The following ZEB1 variants were observed in gnomAD, a reference collection of about 807,000 sequenced individuals.
The protein encoded by ZEB1 is zinc finger E-box binding homeobox 1.
ZEB1 carries 21 observed loss-of-function variants against 84.9 expected under a neutral mutation model. The ratio of observed to expected loss-of-function variants is 0.25; its 90% CI spans 0.18 to 0.36. The LOEUF (loss-of-function observed/expected upper bound fraction) is 0.36. ZEB1 is among the 10% of genes least tolerant of loss of function. The probability of loss-of-function intolerance (pLI) is 1.00; values close to 1 mark genes in which losing one functional copy is unlikely to be tolerated. For missense variants in ZEB1, 1,104 were observed against 1,330.2 expected (o/e 0.83, Z 2.65); for synonymous variants, 420 against 471.1 (o/e 0.89, Z 1.41).
intron 1 of ZEB1, among the ~76,000 whole-genome samples, chr10:31,441,003 T>A (rs563176898): frequency 1.1e-4 from 17 of 152,248 alleles, no homozygotes; most frequent in African/African-American, 3.1e-4. Context: ...ATAGATTCAA[T>A]GCCATCCCCA....
chr10:31,374,683 A>G (rs2046293506), intron 1 of ZEB1: 1 of 151,854 alleles, frequency 6.6e-6, no homozygotes, highest in African/African-American at 2.4e-5. Context: ...GATTGAATTG[A>G]TAACTTGCTT....
chr10:31,365,326 T>C (rs574307760), intron 1 of ZEB1, among the ~76,000 whole-genome samples: 8 of 152,312 alleles, frequency 5.3e-5, no homozygotes, highest in South Asian at 2.1e-4. Context: ...GGTTTTCTTA[T>C]GCCCAAGAGA....
chr10:31,509,504 G>T (rs1361921329), intron 4 of ZEB1, among the ~76,000 whole-genome samples: 1 of 151,990 alleles, frequency 6.6e-6, no homozygotes, highest in Non-Finnish European at 1.5e-5. Flanking sequence ...CATTATTTTG[G>T]TTTTTCCTTG....
intron 1 of ZEB1, chr10:31,363,598 A>G (rs2043807705): frequency 6.6e-7 from 1 of 1,518,912 alleles, no homozygotes; most frequent in South Asian, 1.2e-5. Context: ...TTCTGCGCTC[A>G]CCTCCGTCTT....
intron 6 of ZEB1, among the ~76,000 whole-genome samples, chr10:31,516,329 T>TG (rs1416930190): frequency 6.6e-6 from 1 of 151,922 alleles, no homozygotes; most frequent in Non-Finnish European, 1.5e-5. Context: ...AAACATCTAA[T>TG]GTGAGGCTTG....
Position 31,421,912 on chromosome 10 carries a change from A to C in ZEB1, c.59-39125A>C, listed in dbSNP as rs116112509. On this transcript the variant is annotated intron_variant, in intron 1 of 8. Transcript: ENST00000424869. ...TTTTGAGTAAATCAATCACTGCACC[A>C]ACTCAAATCACAGTATTCCCCCCCT... Among the ~76,000 whole-genome samples, 1,068 of 152,194 alleles carry C rather than the reference A, an allele frequency of 7.0e-3. 12 individuals are homozygous for C. Among genetic ancestry groups the C allele is most frequent in the African/African-American group, 0.024 (978 of 41,528 alleles).
At position 31,526,611 on chromosome 10, in the gene ZEB1, C is replaced by T. The variant is rs1426098813; in HGVS notation, c.2786-61C>T. 18 of 1,591,848 alleles carry T rather than the reference C, an allele frequency of 1.1e-5. 1 individual carries two copies. The highest frequency in any genetic ancestry group is 6.8e-5 in the South Asian group (6 of 88,866). The stretch of plus-strand genomic sequence containing the variant: ...CTACAACATGAAGTACCCCAAAAAC[C>T]GTATAAGGATTTTATTTGCTGAATA... On this transcript the variant is annotated intron_variant, in intron 8 of 8. Transcript: ENST00000424869.
intron 1 of ZEB1, among the ~76,000 whole-genome samples, chr10:31,450,875 T>C (rs1213686228): frequency 6.7e-6 from 1 of 150,374 alleles, no homozygotes; most frequent in Non-Finnish European, 1.5e-5. Flanking sequence ...GGACTGAGCG[T>C]GTGTGTGTGT....
At chr10:31,452,759 G>GAGAT (rs1554878944) in intron 1 of ZEB1, among the ~76,000 whole-genome samples, 60 of 149,916 alleles carry the variant, frequency 4.0e-4, no homozygotes, top group African/African-American at 1.4e-3. Flanking sequence ...GAGAGAGAGA[G>GAGAT]AGAGAGAGAG....
chr10:31,384,753 C>G (rs2048324436), intron 1 of ZEB1, among the ~76,000 whole-genome samples: 1 of 152,142 alleles, frequency 6.6e-6, no homozygotes, highest in Admixed American at 6.6e-5. Context: ...GGCAAGGGAT[C>G]CATTATCCAC....
chr10:31,399,067 T>C (rs1317379491), intron 1 of ZEB1, among the ~76,000 whole-genome samples: 1 of 151,026 alleles, frequency 6.6e-6, no homozygotes, highest in Admixed American at 6.6e-5. Flanking sequence ...TGATCTCAGC[T>C]CACTGTGACC....
intron 1 of ZEB1, among the ~76,000 whole-genome samples, chr10:31,340,646 G>T (rs1277804901): frequency 6.6e-6 from 1 of 152,148 alleles, no homozygotes; most frequent in Non-Finnish European, 1.5e-5. Context: ...TAAAGCTGTG[G>T]TCTATACTTA....
chr10:31,439,101 T>C (rs2058608105), intron 1 of ZEB1, among the ~76,000 whole-genome samples: 1 of 152,126 alleles, frequency 6.6e-6, no homozygotes, highest in Non-Finnish European at 1.5e-5. Flanking sequence ...GGTACCTGAT[T>C]TCCTCATTTG....
chr10:31,327,680 A>G (rs1353813540), intron 1 of ZEB1, among the ~76,000 whole-genome samples: 5 of 152,176 alleles, frequency 3.3e-5, no homozygotes, highest in Admixed American at 2.6e-4. Context: ...CAGACATAGT[A>G]TTGCTGAGTA....
chr10:31,363,298 G>T lies in ZEB1; in HGVS notation c.58+44006G>T, dbSNP rs747106769. ...TGGAAGTGGGTCAGGCTTCCCAAAGGGAAGGATGCCTCCAGCAGGGCTGTG... is the reference window on the plus strand; with the variant it reads ...TGGAAGTGGGTCAGGCTTCCCAAAGTGAAGGATGCCTCCAGCAGGGCTGTG... On this transcript the variant is annotated intron_variant, in intron 1 of 8. Transcript: ENST00000424869. 4.6e-6 allele frequency: 7 copies of T among 1,533,120 alleles called. No homozygotes were observed. In the East Asian group the frequency reaches 1.7e-4, roughly 37 times the overall value. 95.0% of individuals were successfully genotyped at this position (1,533,120 alleles called of 1,614,324 possible). A position where few individuals can be genotyped will look rare whatever the true frequency, so the allele number is the denominator to read the frequency against.
intron 5 of ZEB1, among the ~76,000 whole-genome samples, chr10:31,512,205 A>G (rs1362750084): frequency 6.6e-6 from 1 of 152,110 alleles, no homozygotes; most frequent in Admixed American, 6.6e-5. Context: ...CAGGAAGCAG[A>G]CCCATCCTGC....
rs529288681 is a variant in ZEB1 at position 31,341,684 on chromosome 10, GA to G, written c.58+22399del. ...CAAGGGAAGGTGTGTGGGCTGAAGA[GA>G]AAAAAAGGTCAGAAGACAGGAGCTT... On this transcript the variant is annotated intron_variant, in intron 1 of 8. Coordinates refer to ENST00000424869, the MANE Select transcript of ZEB1 (RefSeq NM_001174096.2). 6.1e-4 allele frequency among the ~76,000 whole-genome samples: 93 copies of G among 151,838 alleles called. 1 individual carries two copies. Among genetic ancestry groups the G allele is most frequent in the Admixed American group, 5.8e-3 (88 of 15,264 alleles).
At chr10:31,332,858 G>T (rs1423277739) in intron 1 of ZEB1, among the ~76,000 whole-genome samples, 2 of 152,012 alleles carry the variant, frequency 1.3e-5, no homozygotes, top group Non-Finnish European at 2.9e-5. Context: ...AGGGACTTTT[G>T]TGTTCTATGT....
intron 1 of ZEB1, among the ~76,000 whole-genome samples, chr10:31,356,425 A>G (rs1187539718): frequency 6.6e-6 from 1 of 151,898 alleles, no homozygotes; most frequent in East Asian, 1.9e-4. Flanking sequence ...TTGGAAGGTG[A>G]CTCTTTAGGA....
Sources: allele counts gnomAD v4.1 joint callset (sites outside exome capture counted in the v4.1 genomes callset), GRCh38; gene constraint gnomAD v4.1.1; transcripts MANE v1.5; gene names NCBI Gene and HGNC (gene_info 2026-07-23, HGNC 2026-07-21).